PRDM16: variants seen among roughly 807,000 people sequenced by gnomAD.
The protein encoded by PRDM16 is PR/SET domain 16.
Under a neutral mutation model 110.6 loss-of-function variants are expected in PRDM16, and 23 were observed. That is an observed-to-expected ratio of 0.21 (90% CI 0.15 to 0.29). PRDM16 has a LOEUF of 0.29. Among genes scored for constraint, PRDM16 ranks in the 10% least tolerant of loss-of-function variants. The pLI, the probability that PRDM16 is intolerant of heterozygous loss-of-function variation, is 1.00. For missense variants in PRDM16, 1,615 were observed against 1,794.3 expected (o/e 0.90, Z 1.81); for synonymous variants, 799 against 781.8 (o/e 1.02, Z -0.37).
intron 1 of PRDM16, among the ~76,000 whole-genome samples, chr1:3,164,446 G>C (rs1214188730): frequency 6.6e-6 from 1 of 152,182 alleles, no homozygotes; most frequent in African/African-American, 2.4e-5. Flanking sequence ...CTGCCAGGAG[G>C]GCACCGAGGG....
intron 3 of PRDM16, among the ~76,000 whole-genome samples, chr1:3,312,807 T>A (rs1033405398): frequency 6.6e-6 from 1 of 152,252 alleles, no homozygotes; most frequent in Non-Finnish European, 1.5e-5. Flanking sequence ...TTTCCAGAAA[T>A]AACTTCTGAA....
intron 1 of PRDM16, among the ~76,000 whole-genome samples, chr1:3,128,732 G>A (rs1281537216): frequency 1.3e-5 from 2 of 151,936 alleles, no homozygotes; most frequent in Non-Finnish European, 2.9e-5. Context: ...CGGGTCGGTG[G>A]CTGTTTTCCG....
At chr1:3,361,220 A>G (rs982256286) in intron 3 of PRDM16, among the ~76,000 whole-genome samples, 30 of 152,126 alleles carry the variant, frequency 2.0e-4, no homozygotes, top group Non-Finnish European at 2.1e-4. Context: ...TTTCACCGTC[A>G]CAGCCTGTGG....
At chr1:3,313,175 C>T (rs531241889) in intron 3 of PRDM16, among the ~76,000 whole-genome samples, 14 of 152,344 alleles carry the variant, frequency 9.2e-5, no homozygotes, top group South Asian at 8.3e-4. Flanking sequence ...TGGTTTCCGC[C>T]GCCTCATCCA....
At position 3,382,768 on chromosome 1, in the gene PRDM16, G is replaced by A. The variant is rs79065475; in HGVS notation, c.439-2384G>A. ...GCTCCAGCTTTGAAGACAAAAATCC[G>A]GGTCCCAGGTGGGAGGGCACGGCCC... On this transcript the variant is annotated intron_variant, in intron 3 of 16. Coordinates refer to ENST00000270722, the MANE Select transcript of PRDM16 (RefSeq NM_022114.4). This position sits in a 1 kb window ranked among gnomAD's most constrained non-coding sequence, Gnocchi z 6.6. Among the ~76,000 whole-genome samples, 67 of 152,334 alleles carry A rather than the reference G, an allele frequency of 4.4e-4. No individual in the cohort carries two copies. In the East Asian group the frequency reaches 0.011, roughly 26 times the overall value.
chr1:3,249,556 A>C (rs917743735), intron 3 of PRDM16, among the ~76,000 whole-genome samples: 2 of 152,166 alleles, frequency 1.3e-5, no homozygotes, highest in African/African-American at 4.8e-5. Context: ...AAAGAAAAAA[A>C]AAAATACACA....
chr1:3,296,923 G>A (rs931983778), intron 3 of PRDM16, among the ~76,000 whole-genome samples: 1 of 152,114 alleles, frequency 6.6e-6, no homozygotes, highest in African/African-American at 2.4e-5. Context: ...CCACCTTAAC[G>A]CGCTCAGACA....
chr1:3,328,936 G>A (rs868559699), intron 3 of PRDM16, among the ~76,000 whole-genome samples: 28 of 152,258 alleles, frequency 1.8e-4, no homozygotes, highest in African/African-American at 5.5e-4. Flanking sequence ...GGGGCCTGCC[G>A]GGGGAGGGCA....
intron 2 of PRDM16, among the ~76,000 whole-genome samples, chr1:3,219,687 G>C (rs1293104340): frequency 6.6e-6 from 1 of 152,132 alleles, no homozygotes; most frequent in Non-Finnish European, 1.5e-5. Context: ...AGGAGTGAGG[G>C]CTGAACATGG....
In PRDM16 at chr1:3,243,590, G is replaced by T. The variant is rs953085930; in HGVS notation, c.388-497G>T. On this transcript the variant is annotated intron_variant, in intron 2 of 16. Coordinates refer to ENST00000270722, the MANE Select transcript of PRDM16 (RefSeq NM_022114.4). This position sits in a 1 kb window ranked among gnomAD's most constrained non-coding sequence, Gnocchi z 5.5. ...CCCCGGAGGGCAGGGACTGCACCTC[G>T]CTGTCTCTCACCTGTCCAGGACCAG... Among the ~76,000 whole-genome samples, 11 of 152,316 alleles carry T rather than the reference G, an allele frequency of 7.2e-5. No homozygotes were observed. The highest frequency in any genetic ancestry group is 2.2e-4 in the African/African-American group (9 of 41,574).
At chr1:3,266,350 A>T (rs1022934740) in intron 3 of PRDM16, among the ~76,000 whole-genome samples, 2 of 152,194 alleles carry the variant, frequency 1.3e-5, no homozygotes, top group African/African-American at 4.8e-5. Flanking sequence ...GAGCACCCGT[A>T]ATCCACCAGA....
chr1:3,379,109 ACCCCCCCAACT>A (rs1643048798), intron 3 of PRDM16, among the ~76,000 whole-genome samples: 3 of 17,496 alleles, frequency 1.7e-4, no homozygotes, highest in African/African-American at 2.5e-4. Context: ...CTCCCGGTGC[ACCCCCCCAACT>A]CACCCCTCCC....
rs553678058 is a variant in PRDM16 at position 3,372,399 on chromosome 1, G to A, written c.439-12753G>A. ...TCCCGCATCTGCTGTGGGGTGCCAC[G>A]TTTACAAGCTCTGCAGTGTGTCACC... On this transcript the variant is annotated intron_variant, in intron 3 of 16. Coordinates refer to ENST00000270722, the MANE Select transcript of PRDM16 (RefSeq NM_022114.4). Among the ~76,000 whole-genome samples, 8 of 152,330 alleles carry A rather than the reference G, an allele frequency of 5.3e-5. No individual in the cohort carries two copies. The South Asian group carries it at 6.2e-4, about 12-fold the overall frequency.
chr1:3,173,824 G>A (rs1180538859), intron 1 of PRDM16, among the ~76,000 whole-genome samples: 1 of 152,226 alleles, frequency 6.6e-6, no homozygotes, highest in African/African-American at 2.4e-5. Context: ...GGTGGTTTAT[G>A]CTCCCGGTGC....
chr1:3,197,375 G>A lies in PRDM16; in HGVS notation c.387+10901G>A, dbSNP rs540825761. Among the ~76,000 whole-genome samples, 40 of 152,296 alleles carry A rather than the reference G, an allele frequency of 2.6e-4. No homozygotes were observed. The South Asian group carries it at 3.9e-3, about 15-fold the overall frequency. On this transcript the variant is annotated intron_variant, in intron 2 of 16. Coordinates refer to ENST00000270722, the MANE Select transcript of PRDM16 (RefSeq NM_022114.4). ...GCCATCACAGCGGCCCCAGCTCGTC[G>A]TGGGCACTCAGTCCAATTGTCCCTT... is the stretch of plus-strand genomic sequence containing the variant.
intron 3 of PRDM16, among the ~76,000 whole-genome samples, chr1:3,378,809 C>T (rs964825797): frequency 1.3e-5 from 2 of 152,052 alleles, no homozygotes; most frequent in South Asian, 2.1e-4. Context: ...GCCAGAACCA[C>T]GGCCCAGGGC....
chr1:3,122,167 T>C (rs1434699592), intron 1 of PRDM16, among the ~76,000 whole-genome samples: 2 of 152,180 alleles, frequency 1.3e-5, no homozygotes, highest in Non-Finnish European at 2.9e-5. Context: ...CAGGACTGCC[T>C]GCTGGAAGCT....
At chr1:3,396,623 G>T (rs370806657) in intron 5 of PRDM16, 30 bp downstream of exon 5, 9 of 960,784 alleles carry the variant, frequency 9.4e-6, no homozygotes, top group Non-Finnish European at 1.4e-5. Flanking sequence ...CCGGGCCACG[G>T]CCCCTGGGAG....
In PRDM16 at chr1:3,405,479, G is replaced by T; in HGVS notation, c.1033-16G>T. 5 of 1,551,176 alleles carry T rather than the reference G, an allele frequency of 3.2e-6. No individual in the cohort carries two copies. Among genetic ancestry groups the T allele is most frequent in the Non-Finnish European group, 3.5e-6 (4 of 1,145,274 alleles). Reference sequence around the variant, plus strand: ...TGTCCAGGCAGGGCACGCGCCAACGGCATCCGTCTCCCCAGGTGTTCACGG... The same window carrying T: ...TGTCCAGGCAGGGCACGCGCCAACGTCATCCGTCTCCCCAGGTGTTCACGG... On this transcript the variant is annotated splice_polypyrimidine_tract_variant and intron_variant, in intron 7 of 16. Transcript: ENST00000270722.
Sources: gnomAD v4.1 joint callset for allele counts (sites outside exome capture counted in the v4.1 genomes callset) on GRCh38, gnomAD v4.1.1 for gene constraint, Gnocchi (gnomAD v3.1) non-coding constraint, MANE v1.5 for transcripts, NCBI Gene and HGNC (gene_info 2026-07-23, HGNC 2026-07-21) for gene names.